The following PRKCH variants were observed in gnomAD, a reference collection of about 807,000 sequenced individuals.
PRKCH encodes the protein protein kinase C eta, also known as protein kinase C eta type.
A neutral mutation model predicts 82.5 loss-of-function variants in PRKCH; 28 were observed. The ratio of observed to expected loss-of-function variants is 0.34; its 90% confidence interval spans 0.25 to 0.47. PRKCH has a LOEUF of 0.47. PRKCH is among the 20% of genes least tolerant of loss of function. PRKCH has a pLI of 1.00. For synonymous variants in PRKCH, 322 were observed against 327.4 expected, an observed-to-expected ratio of 0.98 and a Z score of 0.18; for missense variants, 705 against 881.8, an observed-to-expected ratio of 0.80 and a Z score of 2.54.
chr14:61,245,580 C>T (rs547265040), intron 1 of PRKCH, among the ~76,000 whole-genome samples: 2 of 152,290 alleles, frequency 1.3e-5, no homozygotes, highest in East Asian at 3.9e-4. Context: ...TTCCTCCCCA[C>T]CAAAGGGGCC....
At chr14:61,226,318 G>T (rs796505965) in intron 1 of PRKCH, among the ~76,000 whole-genome samples, 37 of 152,192 alleles carry the variant, frequency 2.4e-4, no homozygotes, top group African/African-American at 8.9e-4. Context: ...ATTTATCCAG[G>T]ACCAAAATAT....
intron 1 of PRKCH, among the ~76,000 whole-genome samples, chr14:61,205,199 C>G (rs1765916596): frequency 6.6e-6 from 1 of 152,154 alleles, no homozygotes; most frequent in Non-Finnish European, 1.5e-5. Flanking sequence ...CCTCCTGCAC[C>G]TGGAATAATT....
At position 61,541,047 on chromosome 14, in the gene PRKCH, T is replaced by C. The variant is rs1017004549; in HGVS notation, c.1762-6696T>C. Among the ~76,000 whole-genome samples, 4 of 152,226 alleles carry C rather than the reference T, an allele frequency of 2.6e-5. No homozygotes were observed. The East Asian group carries it at 7.7e-4, about 29-fold the overall frequency. On this transcript the variant is annotated intron_variant, in intron 12 of 13. Coordinates refer to ENST00000332981, the MANE Select transcript of PRKCH (RefSeq NM_006255.5). ...AAATGTCTGTCACTGCCTTCTCCTA[T>C]GGAAAAGTGACTTATCAATGCCAGG...
intron 10 of PRKCH, among the ~76,000 whole-genome samples, chr14:61,518,266 C>T (rs1257507223): frequency 1.3e-5 from 2 of 152,046 alleles, no homozygotes; most frequent in African/African-American, 4.8e-5. Flanking sequence ...TAAGCTGACC[C>T]GCTGCCAGGT....
At chr14:61,544,578 A>T (rs1297640712) in intron 12 of PRKCH, 3 of 152,062 alleles carry the variant, frequency 2.0e-5, no homozygotes, top group Admixed American at 2.0e-4. Context: ...TGCACCCCAG[A>T]TTTACCCTAG....
intron 1 of PRKCH, among the ~76,000 whole-genome samples, chr14:61,199,329 AT>A (rs1167073184): frequency 6.6e-6 from 1 of 152,242 alleles, no homozygotes; most frequent in Admixed American, 6.5e-5. Context: ...CTCAATACAA[AT>A]AAAAAGAGCT....
rs71117815 is a variant in PRKCH at position 61,416,053 on chromosome 14, C to CTTTTTT, written c.427+24781_427+24786dup. ...CCTCTTTTTTCTTTTCTTTTCTTTT[C>CTTTTTT]TTTTTTTTTTTTTTTTTTTTTGAGA... On this transcript the variant is annotated intron_variant, in intron 2 of 13. Coordinates refer to ENST00000332981, the MANE Select transcript of PRKCH (RefSeq NM_006255.5). 2.8e-3 allele frequency among the ~76,000 whole-genome samples: 268 copies of CTTTTTT among 94,128 alleles called. 2 individuals carry two copies. The highest frequency in any genetic ancestry group is 8.3e-3 in the Middle Eastern group (1 of 120). The allele number at this position is 94,128 out of a possible 152,430, so 61.8% of individuals were successfully genotyped here.
At chr14:61,375,191 T>C (rs1162971881) in intron 1 of PRKCH, among the ~76,000 whole-genome samples, 1 of 151,976 alleles carries the variant, frequency 6.6e-6, no homozygotes, top group African/African-American at 2.4e-5. Flanking sequence ...ATAGGAAGAG[T>C]GACCTTTACT....
chr14:61,360,855 G>T (rs980081781), intron 1 of PRKCH, among the ~76,000 whole-genome samples: 1 of 152,182 alleles, frequency 6.6e-6, no homozygotes, highest in Non-Finnish European at 1.5e-5. Context: ...TGGACCAGCT[G>T]CTTTTTACAC....
chr14:61,515,537 AT>A (rs2042812769), intron 10 of PRKCH, among the ~76,000 whole-genome samples: 1 of 152,148 alleles, frequency 6.6e-6, no homozygotes. Context: ...ATGCATCAGA[AT>A]TTGGTCTTAG....
At chr14:61,443,345 A>G in intron 3 of PRKCH, 84 bp downstream of exon 3, 2 of 1,314,276 alleles carry the variant, frequency 1.5e-6, no homozygotes, top group Non-Finnish European at 2.0e-6. Flanking sequence ...AGCAGAATGC[A>G]TGATTATTTA....
intron 1 of PRKCH, among the ~76,000 whole-genome samples, chr14:61,202,217 C>A (rs962048361): frequency 6.6e-6 from 1 of 152,158 alleles, no homozygotes; most frequent in African/African-American, 2.4e-5. Context: ...TGCTATTACA[C>A]GCCCACCCAT....
At chr14:61,508,544 T>C (rs1014321400) in intron 10 of PRKCH, among the ~76,000 whole-genome samples, 1 of 152,080 alleles carries the variant, frequency 6.6e-6, no homozygotes, top group African/African-American at 2.4e-5. Context: ...TTGAAAGCGC[T>C]TCCTTTTGTA....
In PRKCH at chr14:61,449,271, G is replaced by C. The variant is rs1279567130; in HGVS notation, c.702+19G>C. On this transcript the variant is annotated intron_variant, in intron 5 of 13. Transcript: ENST00000332981. Reference sequence around the variant, plus strand: ...TTCAAAGGTAAGAGGATAGCAGTTTGCTGATTAAATGTGCGTGTGTATTGT... The same window carrying C: ...TTCAAAGGTAAGAGGATAGCAGTTTCCTGATTAAATGTGCGTGTGTATTGT... The C allele has an allele frequency of 4.4e-6, 7 of 1,595,476 alleles. No individual in the cohort carries two copies. Among genetic ancestry groups the C allele is most frequent in the Non-Finnish European group, 5.2e-6 (6 of 1,163,262 alleles).
chr14:61,453,069 C>T (rs1290172272), intron 6 of PRKCH, among the ~76,000 whole-genome samples, 157 bp from the exon 7 acceptor site: 1 of 152,200 alleles, frequency 6.6e-6, no homozygotes, highest in Non-Finnish European at 1.5e-5. Context: ...ATGTCAGGAA[C>T]TATTACTAGT....
chr14:61,512,323 G>A (rs1469074181), intron 10 of PRKCH, among the ~76,000 whole-genome samples: 1 of 146,868 alleles, frequency 6.8e-6, no homozygotes, highest in African/African-American at 2.6e-5. Context: ...CACAGCCTCA[G>A]AGAGAAAATC....
At chr14:61,257,046 C>A (rs974529365) in intron 1 of PRKCH, among the ~76,000 whole-genome samples, 1 of 152,192 alleles carries the variant, frequency 6.6e-6, no homozygotes, top group Non-Finnish European at 1.5e-5. Flanking sequence ...TACTAATATG[C>A]TTTCCTTTTG....
chr14:61,201,501 A>G (rs146632685), intron 1 of PRKCH, among the ~76,000 whole-genome samples: 24 of 152,338 alleles, frequency 1.6e-4, no homozygotes, highest in African/African-American at 5.1e-4. Context: ...TATTCTATAA[A>G]TAAAGCATGT....
intron 1 of PRKCH, among the ~76,000 whole-genome samples, chr14:61,233,766 A>G (rs553404296): frequency 1.3e-5 from 2 of 152,204 alleles, no homozygotes; most frequent in Non-Finnish European, 1.5e-5. Flanking sequence ...ATGCCATGTA[A>G]AGTTTCACCA....
Sources: allele counts gnomAD v4.1 joint callset (sites outside exome capture counted in the v4.1 genomes callset), GRCh38; gene constraint gnomAD v4.1.1; transcripts MANE v1.5; gene names NCBI Gene and HGNC (gene_info 2026-07-23, HGNC 2026-07-21).